The following EEA1 variants were observed in gnomAD, a reference collection of about 807,000 sequenced individuals.
EEA1 encodes the protein early endosome antigen 1.
A neutral mutation model predicts 209.2 loss-of-function variants in EEA1; 111 were observed. The observed-to-expected ratio is 0.53, with a 90% CI of 0.45 to 0.62. EEA1 has a LOEUF of 0.62. Among genes scored for constraint, EEA1 ranks in the 20% least tolerant of loss-of-function variants. EEA1 has a pLI of 0.00. For synonymous variants in EEA1, 536 were observed against 540.6 expected (o/e 0.99, Z 0.12); for missense variants, 1,343 against 1,530.8 (o/e 0.88, Z 2.05).
intron 22 of EEA1, 69 bp downstream of exon 22, chr12:92,787,798 C>T (rs1478814847): frequency 3.2e-6 from 4 of 1,254,308 alleles, no homozygotes; most frequent in Non-Finnish European, 4.2e-6. Flanking sequence ...CATTTGGATT[C>T]AAATAGATCA....
chr12:92,830,796 A>C (rs1380749514), intron 11 of EEA1, among the ~76,000 whole-genome samples: 1 of 152,224 alleles, frequency 6.6e-6, no homozygotes, highest in African/African-American at 2.4e-5. Context: ...AAGAGTTATT[A>C]ATGGGCTTAA....
intron 18 of EEA1, among the ~76,000 whole-genome samples, chr12:92,804,989 T>C (rs979660554): frequency 2.0e-5 from 3 of 152,238 alleles, no homozygotes; most frequent in Non-Finnish European, 4.4e-5. Context: ...CCTACCCCAA[T>C]AGGATGTGGG....
At chr12:92,860,074 T>C (rs1431045389) in intron 3 of EEA1, among the ~76,000 whole-genome samples, 1 of 152,192 alleles carries the variant, frequency 6.6e-6, no homozygotes, top group Non-Finnish European at 1.5e-5. Context: ...CTTTCAGCTG[T>C]ATTTTGGAGG....
chr12:92,813,908 G>A (rs1471809549), intron 15 of EEA1, among the ~76,000 whole-genome samples: 1 of 152,106 alleles, frequency 6.6e-6, no homozygotes, highest in East Asian at 1.9e-4. Flanking sequence ...AGCTACTCAG[G>A]AGGCTGAGGC....
chr12:92,779,397 T>A, intron 24 of EEA1, 97 bp from the exon 25 acceptor site: 1 of 1,122,878 alleles, frequency 8.9e-7, no homozygotes, highest in Non-Finnish European at 1.2e-6. Context: ...AGATCAAATA[T>A]AGGTTTTACC....
intron 1 of EEA1, among the ~76,000 whole-genome samples, chr12:92,914,320 T>G (rs2136780269): frequency 6.6e-6 from 1 of 152,238 alleles, no homozygotes; most frequent in South Asian, 2.1e-4. Flanking sequence ...TATTTCTGGG[T>G]TCTCTCTTCT....
At chr12:92,804,310 C>T (rs557305081) in intron 18 of EEA1, among the ~76,000 whole-genome samples, 199 of 152,180 alleles carry the variant, frequency 1.3e-3, no homozygotes, top group African/African-American at 4.6e-3. Flanking sequence ...CGGTGGCTCA[C>T]GCCTGTAATC....
intron 15 of EEA1, among the ~76,000 whole-genome samples, chr12:92,815,097 A>C (rs901585006): frequency 6.6e-6 from 1 of 152,208 alleles, no homozygotes; most frequent in Non-Finnish European, 1.5e-5. Flanking sequence ...AAAGAAGTTA[A>C]AGTAGTTTTG....
intron 10 of EEA1, among the ~76,000 whole-genome samples, chr12:92,842,091 A>G (rs1877190468): frequency 6.6e-6 from 1 of 152,212 alleles, no homozygotes; most frequent in African/African-American, 2.4e-5. Context: ...AGTCACAAAA[A>G]GACAAATACT....
At chr12:92,829,785 AAAAAAAAAAAAC>A (rs1407801112) in intron 11 of EEA1, among the ~76,000 whole-genome samples, 2 of 137,142 alleles carry the variant, frequency 1.5e-5, no homozygotes, top group Non-Finnish European at 3.1e-5. Flanking sequence ...TCTTAAAAAA[AAAAAAAAAAAAC>A]AAAAAACAAG....
At chr12:92,887,707 A>G (rs1156807575) in intron 2 of EEA1, among the ~76,000 whole-genome samples, 1 of 152,216 alleles carries the variant, frequency 6.6e-6, no homozygotes, top group East Asian at 1.9e-4. Flanking sequence ...AGAAATTTTA[A>G]CATACAGGAA....
chr12:92,816,345 T>A lies in EEA1; in HGVS notation c.1784A>T (p.Gln595Leu), dbSNP rs146551480. The A allele has an allele frequency of 6.2e-7, 1 of 1,614,026 alleles. No homozygotes were observed. The highest frequency in any genetic ancestry group is 1.1e-5 in the South Asian group (1 of 91,082). The change falls in exon 15 of 29, where the codon CAG (glutamine) becomes CTG (leucine). Residue 595 changes from glutamine to leucine, a missense_variant. This residue lies in a region of EEA1 where 1,307 missense variants were observed against 1,465.5 expected (regional missense o/e 0.89). Transcript: ENST00000322349. The stretch of plus-strand genomic sequence containing the variant: ...TTGTACCTGGTCATGCAAATTCTCC[T>A]GGGCTTGTTTATGACTTTCTGACTG... ...KNQSESHKQA[Q>L]ENLHDQVQEQ...
At chr12:92,792,122 C>T (rs1186324796) in intron 21 of EEA1, among the ~76,000 whole-genome samples, 1 of 152,110 alleles carries the variant, frequency 6.6e-6, no homozygotes, top group Non-Finnish European at 1.5e-5. Flanking sequence ...ACATTTAAAG[C>T]AGTGTGTAGA....
At chr12:92,910,544 A>G (rs1359529304) in intron 1 of EEA1, among the ~76,000 whole-genome samples, 1 of 152,192 alleles carries the variant, frequency 6.6e-6, no homozygotes, top group Non-Finnish European at 1.5e-5. Flanking sequence ...ACCCTAGAAG[A>G]TAACATAGGA....
At chr12:92,880,823 C>T (rs992131246) in intron 2 of EEA1, among the ~76,000 whole-genome samples, 21 of 152,248 alleles carry the variant, frequency 1.4e-4, no homozygotes, top group African/African-American at 3.9e-4. Context: ...GGCATAGATG[C>T]ACTTTTCCTT....
chr12:92,902,140 A>T (rs942669048), intron 1 of EEA1, among the ~76,000 whole-genome samples: 2 of 152,156 alleles, frequency 1.3e-5, no homozygotes, highest in African/African-American at 4.8e-5. Flanking sequence ...GCTGCAGTGA[A>T]CTGTGATTAT....
rs746638029 is a variant in EEA1, at chr12:92,819,322, T to C, written c.1714A>G (p.Thr572Ala). 4 of 1,609,536 alleles carry C rather than the reference T, an allele frequency of 2.5e-6. No homozygotes were observed. The highest frequency in any genetic ancestry group is 2.2e-5 in the South Asian group (2 of 89,644). ...VLNQLQEKNH[T>A]LQEQVTQLTE... is the part of the protein sequence containing the mutation. ...TACAAGCTTACTTGCTCCTGTAGTGTATGGTTTTTTTCTTGTAACTGGTTA... is the reference window on the plus strand; with the variant it reads ...TACAAGCTTACTTGCTCCTGTAGTGCATGGTTTTTTTCTTGTAACTGGTTA... Residue 572 changes from threonine to alanine, a missense_variant, in exon 14 of 29, where the codon ACA (threonine) becomes GCA (alanine). Transcript: ENST00000322349.
chr12:92,891,362 A>G (rs1414131854), intron 2 of EEA1, among the ~76,000 whole-genome samples: 3 of 152,190 alleles, frequency 2.0e-5, no homozygotes, highest in Admixed American at 2.0e-4. Flanking sequence ...AATTCTTTAT[A>G]AACAGACGTT....
Position 92,777,667 on chromosome 12 carries a change from G to A in EEA1, c.3894-4C>T, listed in dbSNP as rs1280344960. The A allele has an allele frequency of 6.2e-6, 10 of 1,609,526 alleles. No individual in the cohort carries two copies. The Admixed American group carries it at 6.7e-5, about 11-fold the overall frequency. ...TTCACCTTCTCCTTTAAGACATCTG[G>A]AATAGATTGCAAAGAGGTAATTAAT... is the stretch of plus-strand genomic sequence containing the variant. On this transcript the variant is annotated splice_polypyrimidine_tract_variant and splice_region_variant and intron_variant, in intron 26 of 28. Transcript: ENST00000322349.
Sources: allele counts gnomAD v4.1 joint callset (sites outside exome capture counted in the v4.1 genomes callset), GRCh38; gene constraint gnomAD v4.1.1; regional missense constraint gnomAD v4.1.1; transcripts MANE v1.5; gene names NCBI Gene and HGNC (gene_info 2026-07-23, HGNC 2026-07-21).